MAN1B1: variants seen among roughly 807,000 people sequenced by gnomAD.
The protein encoded by MAN1B1 is mannosidase alpha class 1B member 1, also known as endoplasmic reticulum mannosyl-oligosaccharide 1,2-alpha-mannosidase.
In MAN1B1, 66 loss-of-function variants were observed where a neutral mutation model predicts 75.5. The ratio of observed to expected loss-of-function variants is 0.87; its 90% CI spans 0.72 to 1.07. The LOEUF (loss-of-function observed/expected upper bound fraction) is 1.07, where lower values mean the gene tolerates loss of function less well. Ranked by LOEUF, MAN1B1 falls within the 50% of genes least tolerant of loss-of-function variation. MAN1B1 has a pLI of 0.00. For synonymous variants in MAN1B1, 453 were observed against 382.8 expected, an observed-to-expected ratio of 1.18 and a Z score of -2.14; for missense variants, 973 against 912.5, an observed-to-expected ratio of 1.07 and a Z score of -0.85.
chr9:137,108,143 C>G, intron 12 of MAN1B1: 1 of 611,374 alleles, frequency 1.6e-6, no homozygotes, highest in Non-Finnish European at 2.9e-6. Context: ...AACTGTGAGG[C>G]CCCCTGAGCC....
At chr9:137,097,558 C>A (rs1165014387) in intron 4 of MAN1B1, among the ~76,000 whole-genome samples, 1 of 152,220 alleles carries the variant, frequency 6.6e-6, no homozygotes, top group Admixed American at 6.5e-5. Flanking sequence ...CCTCCGGCCT[C>A]TGCAGAGGGA....
At position 137,105,886 on chromosome 9, in the gene MAN1B1, G is replaced by A. The variant is rs146507379; in HGVS notation, c.1255-239G>A. On this transcript the variant is annotated intron_variant, in intron 8 of 12. Transcript: ENST00000371589. ...ATCCTGAAGATGGGTCAGCTCTGTG[G>A]TGACCACCCGTTGGGAGCAGTGACA... 3.9e-4 allele frequency: 263 copies of A among 669,026 alleles called. No individual in the cohort carries two copies. In the African/African-American group the frequency reaches 4.2e-3, roughly 11 times the overall value. The allele number at this position is 669,026 out of a possible 1,614,324, so 41.4% of individuals were successfully genotyped here. A position where few individuals can be genotyped will look rare whatever the true frequency, so the allele number is the denominator to read the frequency against.
At chr9:137,100,009 G>A in intron 6 of MAN1B1, 128 bp downstream of exon 6, 3 of 1,092,104 alleles carry the variant, frequency 2.7e-6, no homozygotes, top group Admixed American at 3.7e-5. Context: ...CTTCTCCTGG[G>A]TGCGGGAGTG....
chr9:137,102,118 T>TA (rs1564287573), intron 8 of MAN1B1: 1 of 345,434 alleles, frequency 2.9e-6, no homozygotes, highest in Admixed American at 3.2e-5. Context: ...TCGGTGGTGT[T>TA]ACATTCACGC....
intron 3 of MAN1B1, chr9:137,089,252 C>A: frequency 1.8e-6 from 1 of 540,692 alleles, no homozygotes; most frequent in Middle Eastern, 5.1e-4. Flanking sequence ...TAAGACAGAC[C>A]TGTTTCCTCT....
chr9:137,100,885 G>C, intron 6 of MAN1B1, 120 bp from the exon 7 acceptor site: 2 of 1,128,700 alleles, frequency 1.8e-6, no homozygotes, highest in Non-Finnish European at 2.6e-6. Flanking sequence ...CTCCCAAAGT[G>C]CTGGGATTAC....
At position 137,101,544 on chromosome 9, in the gene MAN1B1, G is replaced by A; in HGVS notation, c.1126G>A (p.Asp376Asn). The stretch of plus-strand genomic sequence containing the variant: ...AACACCATCCAAGATTCCTTACTCG[G>A]ATGTGAACATCGGTACTGGAGTTGC... ...FRTPSKIPYS[D>N]VNIGTGVAHP... The change falls in exon 8 of 13, where the codon GAT becomes AAT. Residue 376 changes from aspartate to asparagine, a missense_variant. Physicochemically the swap from Asp to Asn is conservative, Grantham distance 23. Transcript: ENST00000371589. 1 of 1,613,924 alleles carries A rather than the reference G, an allele frequency of 6.2e-7. No individual in the cohort carries two copies. Among genetic ancestry groups the A allele is most frequent in the South Asian group, 1.1e-5 (1 of 91,088 alleles).
chr9:137,097,782 C>G, intron 4 of MAN1B1, 46 bp from the exon 5 acceptor site: 1 of 1,408,854 alleles, frequency 7.1e-7, no homozygotes, highest in South Asian at 1.2e-5. Flanking sequence ...AAACATGGAG[C>G]CACAAATGTT....
chr9:137,087,187 G>A lies in MAN1B1; in HGVS notation c.188G>A (p.Ser63Asn). 6.3e-7 allele frequency: 1 copy of A among 1,589,428 alleles called. No individual in the cohort carries two copies. Among genetic ancestry groups the A allele is most frequent in the Admixed American group, 1.8e-5 (1 of 56,322 alleles). Residue 63 changes from serine to asparagine, a missense_variant, in exon 1 of 13, where the codon AGC (serine) becomes AAC (asparagine). Physicochemically the swap from Ser to Asn is conservative, Grantham distance 46. Coordinates refer to ENST00000371589, the MANE Select transcript of MAN1B1 (RefSeq NM_016219.5). ...AGCTTTGGCGAGAACTATGACAACA[G>A]CAAGAGTTGGCGGCGGCGCTCGTGC... Reference protein sequence around the residue: ...TLSFGENYDNSKSWRRRSCWR... With the variant: ...TLSFGENYDNNKSWRRRSCWR...
chr9:137,106,926 T>A, intron 10 of MAN1B1, 117 bp downstream of exon 10: 1 of 1,414,224 alleles, frequency 7.1e-7, no homozygotes, highest in South Asian at 1.3e-5. Context: ...GTGGAGGCCC[T>A]GGGTGGACCG....
chr9:137,106,878 G>T lies in MAN1B1; in HGVS notation c.1566+69G>T, dbSNP rs139295239. The stretch of plus-strand genomic sequence containing the variant: ...TTGGCTTCCAAGGTGCCTGAGTCAT[G>T]ATGTCAAAAAGAACGAAATCCTGGC... On this transcript the variant is annotated intron_variant, in intron 10 of 12. Coordinates refer to ENST00000371589, the MANE Select transcript of MAN1B1 (RefSeq NM_016219.5). The T allele has an allele frequency of 3.3e-4, 503 of 1,511,470 alleles. 1 individual carries two copies. In the African/African-American group the frequency reaches 0.01, roughly 32 times the overall value. The allele number at this position is 1,511,470 out of a possible 1,614,324, so 93.6% of individuals were successfully genotyped here.
chr9:137,109,055 G>T lies in MAN1B1; in HGVS notation c.*464G>T. On this transcript the variant is annotated 3_prime_UTR_variant, in exon 13 of 13. Coordinates refer to ENST00000371589, the MANE Select transcript of MAN1B1 (RefSeq NM_016219.5). The stretch of plus-strand genomic sequence containing the variant: ...CCAGGGCTGGCTCTGGTGTTTACAA[G>T]CTGGACTCAGGGATCCTCCTGGCCG... The T allele has an allele frequency of 2.2e-6, 1 of 457,188 alleles. No individual in the cohort carries two copies. Among genetic ancestry groups the T allele is most frequent in the South Asian group, 1.6e-5 (1 of 64,496 alleles). The allele number at this position is 457,188 out of a possible 1,614,324, so 28.3% of individuals were successfully genotyped here. A position where few individuals can be genotyped will look rare whatever the true frequency, so the allele number is the denominator to read the frequency against.
chr9:137,099,635 T>TC (rs1830750396), intron 5 of MAN1B1, 61 bp from the exon 6 acceptor site: 2 of 1,564,830 alleles, frequency 1.3e-6, no homozygotes, highest in Non-Finnish European at 1.8e-6. Context: ...CCTGAGGGTG[T>TC]CCATCTGTGC....
chr9:137,091,521 A>ATTTTTTTTTT (rs964752016), intron 3 of MAN1B1, among the ~76,000 whole-genome samples: 2 of 89,922 alleles, frequency 2.2e-5, no homozygotes, highest in Non-Finnish European at 4.6e-5. Context: ...TTTGTTTTAT[A>ATTTTTTTTTT]TTTTTTTTTT....
At chr9:137,101,345 A>G (rs932590622) in intron 7 of MAN1B1, 139 bp from the exon 8 acceptor site, 1 of 1,065,208 alleles carries the variant, frequency 9.4e-7, no homozygotes, top group Non-Finnish European at 1.4e-6. Context: ...ACATTCACTC[A>G]GTGCAGAGTG....
At chr9:137,099,526 G>C (rs570043170) in intron 5 of MAN1B1, among the ~76,000 whole-genome samples, 170 bp from the exon 6 acceptor site, 31 of 152,372 alleles carry the variant, frequency 2.0e-4, no homozygotes, top group Admixed American at 1.9e-3. Flanking sequence ...GGCTGCTGCA[G>C]CCTCTGTGGC....
rs1588651395 is a variant in MAN1B1, at chr9:137,106,395, A to G, written c.1445+80A>G. Reference sequence around the variant, plus strand: ...CCCACTCCTGCTGCCCCCAGCTCCCACGGCCCCCGCTCCTGCTGCCCCCCG... The same window carrying G: ...CCCACTCCTGCTGCCCCCAGCTCCCGCGGCCCCCGCTCCTGCTGCCCCCCG... On this transcript the variant is annotated intron_variant, in intron 9 of 12. Transcript: ENST00000371589. 8 of 1,214,188 alleles carry G rather than the reference A, an allele frequency of 6.6e-6. No individual in the cohort carries two copies. In the South Asian group the frequency reaches 8.6e-5, roughly 13 times the overall value. The allele number at this position is 1,214,188 out of a possible 1,614,324, so 75.2% of individuals were successfully genotyped here. A position where few individuals can be genotyped will look rare whatever the true frequency, so the allele number is the denominator to read the frequency against.
rs759589788 is a variant in MAN1B1, at chr9:137,101,529, A to G, written c.1111A>G (p.Lys371Glu). ...AATGCCTGCCTTCAGAACACCATCC[A>G]AGATTCCTTACTCGGATGTGAACAT... ...RLMPAFRTPS[K>E]IPYSDVNIGT... Residue 371 changes from lysine (K) to glutamate (E), a missense_variant, in exon 8 of 13, where the codon AAG becomes GAG. By Grantham distance (56) the Lys-to-Glu change is moderately conservative (BLOSUM62 1). Transcript: ENST00000371589. The G allele has an allele frequency of 5.0e-5, 81 of 1,613,764 alleles. No individual in the cohort carries two copies. Among genetic ancestry groups the G allele is most frequent in the Non-Finnish European group, 6.1e-5 (72 of 1,180,036 alleles).
intron 5 of MAN1B1, among the ~76,000 whole-genome samples, chr9:137,098,156 G>T (rs866918777): frequency 6.6e-6 from 1 of 152,224 alleles, no homozygotes; most frequent in Non-Finnish European, 1.5e-5. Flanking sequence ...GCAGAAGAAG[G>T]TGTGTCTGAG....
Sources: gnomAD v4.1 joint callset for allele counts (sites outside exome capture counted in the v4.1 genomes callset) on GRCh38, gnomAD v4.1.1 for gene constraint, MANE v1.5 for transcripts, NCBI Gene and HGNC (gene_info 2026-07-23, HGNC 2026-07-21) for gene names.